The following BCAR3 variants were observed in gnomAD, a reference collection of about 807,000 sequenced individuals.
BCAR3 encodes BCAR3 adaptor protein, NSP family member.
In BCAR3, 37 loss-of-function variants were observed where a neutral mutation model predicts 80.1. That is an observed-to-expected ratio of 0.46 (90% confidence interval 0.36 to 0.61). BCAR3 has a LOEUF of 0.61. Among genes scored for constraint, BCAR3 ranks in the 20% least tolerant of loss-of-function variants. BCAR3 has a pLI of 0.00. For synonymous variants in BCAR3, 389 were observed against 418.9 expected (o/e 0.93, Z 0.87); for missense variants, 978 against 1,068.2 (o/e 0.92, Z 1.18).
intron 2 of BCAR3, among the ~76,000 whole-genome samples, chr1:93,670,275 T>C (rs1571028194): frequency 6.6e-6 from 1 of 152,180 alleles, no homozygotes; most frequent in African/African-American, 2.4e-5. Flanking sequence ...CCCTGGCTTC[T>C]GGCTTTGGCC....
intron 2 of BCAR3, among the ~76,000 whole-genome samples, chr1:93,734,241 C>T (rs1031054564): frequency 6.6e-6 from 1 of 152,250 alleles, no homozygotes; most frequent in Non-Finnish European, 1.5e-5. Context: ...ATCATGTCAA[C>T]TAGAAGTGAC....
intron 3 of BCAR3, among the ~76,000 whole-genome samples, chr1:93,616,069 T>TACGAATAAAGTGCTCCACAG (rs1202600528): frequency 1.3e-5 from 2 of 152,134 alleles, no homozygotes; most frequent in African/African-American, 2.4e-5. Flanking sequence ...CACATAGAAT[T>TACGAATAAAGTGCTCCACAG]ACGAATAAAG....
intron 2 of BCAR3, among the ~76,000 whole-genome samples, chr1:93,803,639 T>C (rs1653568055): frequency 6.6e-6 from 1 of 152,190 alleles, no homozygotes. Flanking sequence ...TGTCCATGAA[T>C]TCTGCTAGAA....
intron 3 of BCAR3, among the ~76,000 whole-genome samples, chr1:93,696,965 C>T (rs183890541): frequency 6.6e-6 from 1 of 152,336 alleles, no homozygotes; most frequent in African/African-American, 2.4e-5. Flanking sequence ...CTCCTCCAGC[C>T]CTGATTGATA....
chr1:93,567,325 G>A lies in BCAR3; in HGVS notation c.2253C>T (p.Ala751=), dbSNP rs758143624. ...LNHLATARFM[A]EAADSYRMNA... ...TCATCCGGTAGCTGTCTGCAGCCTCGGCCATGAATCGCGCTGTTGCCAAAT... is the reference window on the plus strand; with the variant it reads ...TCATCCGGTAGCTGTCTGCAGCCTCAGCCATGAATCGCGCTGTTGCCAAAT... The change falls in exon 11 of 12, where the codon GCC becomes GCT. Residue 751 remains alanine, a synonymous_variant. Coordinates refer to ENST00000260502, the MANE Select transcript of BCAR3 (RefSeq NM_003567.4). 3.1e-6 allele frequency: 5 copies of A among 1,614,076 alleles called. No individual in the cohort carries two copies. The highest frequency in any genetic ancestry group is 2.7e-5 in the African/African-American group (2 of 74,996).
chr1:93,584,546 G>A (rs1673864418), intron 5 of BCAR3, among the ~76,000 whole-genome samples: 1 of 152,232 alleles, frequency 6.6e-6, no homozygotes, highest in South Asian at 2.1e-4. Flanking sequence ...GCTCCATAGT[G>A]TTGCAGTTAG....
intron 7 of BCAR3, among the ~76,000 whole-genome samples, chr1:93,578,216 T>C (rs896018511): frequency 6.6e-6 from 1 of 152,162 alleles, no homozygotes; most frequent in African/African-American, 2.4e-5. Context: ...AGAGCCCTGA[T>C]GGGGTCCCGG....
intron 3 of BCAR3, among the ~76,000 whole-genome samples, chr1:93,610,465 G>T (rs547453366): frequency 6.6e-6 from 1 of 152,030 alleles, no homozygotes; most frequent in South Asian, 2.1e-4. Context: ...ATTTAAAAGG[G>T]GTTACCTGTT....
At chr1:93,654,218 G>C (rs983452614) in intron 2 of BCAR3, among the ~76,000 whole-genome samples, 1 of 152,168 alleles carries the variant, frequency 6.6e-6, no homozygotes, top group East Asian at 1.9e-4. Flanking sequence ...GGATTTTGTA[G>C]ATGGAATTAA....
intron 5 of BCAR3, among the ~76,000 whole-genome samples, 191 bp downstream of exon 5, chr1:93,588,786 G>C (rs1236477602): frequency 6.6e-6 from 1 of 151,400 alleles, no homozygotes; most frequent in South Asian, 2.1e-4. Flanking sequence ...CTCAGCTCCT[G>C]TACCATTCAT....
Position 93,582,754 on chromosome 1 carries a change from C to T in BCAR3, c.1233G>A (p.Pro411=), listed in dbSNP as rs202086189. The change falls in exon 7 of 12, where the codon CCG becomes CCA. Residue 411 remains proline, a synonymous_variant. Transcript: ENST00000260502. Reference sequence around the variant, plus strand: ...AGGGAGACGAGGGAACCTTGAGGAACGGCACCTTGCAGGGCTTAGGCGGGG... The same window carrying T: ...AGGGAGACGAGGGAACCTTGAGGAATGGCACCTTGCAGGGCTTAGGCGGGG... The part of the protein sequence containing the change: ...PKPPPKPCKV[P]FLKVPSSPSA... 270 of 1,614,096 alleles carry T rather than the reference C, an allele frequency of 1.7e-4. No individual in the cohort carries two copies. The East Asian group carries it at 2.1e-3, about 13-fold the overall frequency.
chr1:93,737,991 G>A (rs936570082), intron 2 of BCAR3, among the ~76,000 whole-genome samples: 2 of 152,076 alleles, frequency 1.3e-5, no homozygotes, highest in Admixed American at 1.3e-4. Flanking sequence ...AACCATGCCA[G>A]CCTTATTTTT....
At chr1:93,595,444 C>T (rs1012500348) in intron 3 of BCAR3, among the ~76,000 whole-genome samples, 1 of 152,208 alleles carries the variant, frequency 6.6e-6, no homozygotes, top group African/African-American at 2.4e-5. Flanking sequence ...GCCAGGTTTG[C>T]TGCTGGGAGC....
intron 2 of BCAR3, among the ~76,000 whole-genome samples, chr1:93,843,221 G>A (rs1331405883): frequency 6.6e-6 from 1 of 152,208 alleles, no homozygotes; most frequent in Non-Finnish European, 1.5e-5. Flanking sequence ...TAAGTGTTCT[G>A]TTCGGTAACA....
intron 9 of BCAR3, among the ~76,000 whole-genome samples, chr1:93,568,910 C>T (rs1673088664): frequency 6.6e-6 from 1 of 152,160 alleles, no homozygotes; most frequent in South Asian, 2.1e-4. Context: ...GTAGCCTCAA[C>T]CTCCCAGGCT....
At chr1:93,743,799 T>C (rs1335226457) in intron 2 of BCAR3, among the ~76,000 whole-genome samples, 1 of 152,244 alleles carries the variant, frequency 6.6e-6, no homozygotes, top group East Asian at 1.9e-4. Context: ...TGTGTCTCTT[T>C]GTATAAAGAT....
intron 7 of BCAR3, among the ~76,000 whole-genome samples, chr1:93,580,508 T>C (rs901876743): frequency 4.1e-5 from 6 of 146,046 alleles, no homozygotes; most frequent in African/African-American, 1.6e-4. Context: ...ATCAAAAATA[T>C]TCAGGAAAAA....
intron 2 of BCAR3, among the ~76,000 whole-genome samples, chr1:93,741,395 C>G (rs1045117323): frequency 6.6e-6 from 1 of 152,060 alleles, no homozygotes; most frequent in Non-Finnish European, 1.5e-5. Flanking sequence ...TAACTCTGAC[C>G]ATGGGGAAAT....
At chr1:93,803,529 G>A (rs1192283607) in intron 2 of BCAR3, among the ~76,000 whole-genome samples, 2 of 152,116 alleles carry the variant, frequency 1.3e-5, no homozygotes, top group Admixed American at 1.3e-4. Context: ...CAGATTCCAT[G>A]CCACTCACCC....
Sources: allele counts gnomAD v4.1 joint callset (sites outside exome capture counted in the v4.1 genomes callset), GRCh38; gene constraint gnomAD v4.1.1; transcripts MANE v1.5; gene names NCBI Gene and HGNC (gene_info 2026-07-23, HGNC 2026-07-21).